The following MYT1L variants were observed in gnomAD, a reference collection of about 807,000 sequenced individuals.
MYT1L encodes myelin transcription factor 1 like.
Under a neutral mutation model 126.7 loss-of-function variants are expected in MYT1L, and 12 were observed. The observed-to-expected ratio is 0.09, with a 90% CI of 0.06 to 0.15. The LOEUF is 0.15. Ranked by LOEUF, MYT1L falls within the 10% of genes least tolerant of loss-of-function variation. The probability of loss-of-function intolerance (pLI) is 1.00; values close to 1 mark genes in which losing one functional copy is unlikely to be tolerated. For missense variants in MYT1L, 979 were observed against 1,585.2 expected (o/e 0.62, Z 6.49); for synonymous variants, 541 against 604.2 (o/e 0.90, Z 1.53).
chr2:2,130,488 C>G (rs906126718), intron 3 of MYT1L, among the ~76,000 whole-genome samples: 13 of 152,114 alleles, frequency 8.5e-5, no homozygotes, highest in Admixed American at 7.9e-4. Flanking sequence ...ACAAACACGT[C>G]TGCAGCAGTG....
chr2:2,162,833 C>T (rs752050782), intron 3 of MYT1L, among the ~76,000 whole-genome samples: 18 of 152,184 alleles, frequency 1.2e-4, no homozygotes, highest in Non-Finnish European at 2.2e-4. Flanking sequence ...CATTTACAGG[C>T]GTCGGAAATG....
chr2:1,990,039 T>A (rs1441482978), intron 5 of MYT1L, among the ~76,000 whole-genome samples: 1 of 152,236 alleles, frequency 6.6e-6, no homozygotes, highest in Admixed American at 6.5e-5. Flanking sequence ...AGACTAAGGA[T>A]AATTTTAATG....
chr2:2,275,478 C>G (rs2095343254), intron 2 of MYT1L, among the ~76,000 whole-genome samples: 1 of 151,992 alleles, frequency 6.6e-6, no homozygotes, highest in Admixed American at 6.6e-5. Flanking sequence ...CCAGTGCCCC[C>G]AGTTGGGCGA....
chr2:1,885,748 T>C (rs2048092979), intron 18 of MYT1L, among the ~76,000 whole-genome samples: 1 of 152,320 alleles, frequency 6.6e-6, no homozygotes, highest in East Asian at 1.9e-4. Flanking sequence ...CTCATCTCGC[T>C]GTGAGCATCT....
At chr2:2,203,299 G>A (rs1034777855) in intron 2 of MYT1L, among the ~76,000 whole-genome samples, 8 of 149,686 alleles carry the variant, frequency 5.3e-5, no homozygotes, top group African/African-American at 2.0e-4. Context: ...AAGAAATAAA[G>A]GGTATTCAAT....
chr2:2,226,097 T>C (rs185497019), intron 2 of MYT1L, among the ~76,000 whole-genome samples: 15 of 152,166 alleles, frequency 9.9e-5, no homozygotes, highest in Admixed American at 5.2e-4. Flanking sequence ...GATGCATCCA[T>C]GAGCCAGTAT....
chr2:2,159,133 C>A (rs1018702270), intron 3 of MYT1L, among the ~76,000 whole-genome samples: 2 of 152,088 alleles, frequency 1.3e-5, no homozygotes, highest in African/African-American at 4.8e-5. Context: ...GTGAAGAGCT[C>A]CTGAGACTCC....
intron 22 of MYT1L, among the ~76,000 whole-genome samples, chr2:1,805,819 G>A (rs1395661014): frequency 1.3e-5 from 2 of 152,206 alleles, no homozygotes; most frequent in Admixed American, 6.5e-5. Flanking sequence ...CTGGGAGGCG[G>A]AGGTTGCAGT....
rs888000448 is a variant in MYT1L, at chr2:1,801,476, A to G, written c.3276+220T>C. On this transcript the variant is annotated intron_variant, in intron 23 of 24. Transcript: ENST00000647738. The surrounding 1 kb of genome is among the most constrained non-coding windows in gnomAD (Gnocchi z 4.2). ...GCACTTTATTAAAAAACACAAACAC[A>G]CATGCAGACTGAAAACGAGAGAACC... 8.4e-6 allele frequency: 4 copies of G among 477,796 alleles called. No homozygotes were observed. Among genetic ancestry groups the G allele is most frequent in the Non-Finnish European group, 1.5e-5 (4 of 272,544 alleles). The allele number at this position is 477,796 out of a possible 1,614,324, so 29.6% of individuals were successfully genotyped here.
At chr2:2,132,395 G>A (rs2082489711) in intron 3 of MYT1L, among the ~76,000 whole-genome samples, 1 of 152,192 alleles carries the variant, frequency 6.6e-6, no homozygotes, top group Admixed American at 6.5e-5. Flanking sequence ...ATACTATGCA[G>A]CCATAAAAGA....
intron 2 of MYT1L, among the ~76,000 whole-genome samples, chr2:2,209,241 T>C (rs1345532949): frequency 6.6e-6 from 1 of 152,170 alleles, no homozygotes; most frequent in Admixed American, 6.5e-5. Context: ...ATCCTTTGTG[T>C]TACAAAAAAA....
At chr2:2,286,894 C>T (rs1469727154) in intron 1 of MYT1L, among the ~76,000 whole-genome samples, 1 of 152,158 alleles carries the variant, frequency 6.6e-6, no homozygotes, top group East Asian at 1.9e-4. Flanking sequence ...AGTGTCAAAG[C>T]GATGTCACTA....
At chr2:1,913,454 C>G (rs1319057736) in intron 11 of MYT1L, among the ~76,000 whole-genome samples, 1 of 152,134 alleles carries the variant, frequency 6.6e-6, no homozygotes, top group Non-Finnish European at 1.5e-5. Context: ...CTGCCCCCTT[C>G]CTCCCTGTCC....
At chr2:2,305,437 A>G (rs2095845203) in intron 1 of MYT1L, among the ~76,000 whole-genome samples, 1 of 152,256 alleles carries the variant, frequency 6.6e-6, no homozygotes, top group Admixed American at 6.5e-5. Context: ...CTTGTATTAA[A>G]TACTAAAGTA....
chr2:2,100,948 A>G (rs1486089831), intron 3 of MYT1L, among the ~76,000 whole-genome samples: 1 of 152,190 alleles, frequency 6.6e-6, no homozygotes, highest in Non-Finnish European at 1.5e-5. Flanking sequence ...TAATAAACAG[A>G]TGATAATAAA....
At chr2:2,285,945 A>T (rs1393359971) in intron 1 of MYT1L, among the ~76,000 whole-genome samples, 2 of 151,806 alleles carry the variant, frequency 1.3e-5, no homozygotes, top group East Asian at 3.9e-4. Context: ...GACCCTCCAA[A>T]CAATCCTCCA....
At chr2:2,114,933 G>A (rs1481847640) in intron 3 of MYT1L, among the ~76,000 whole-genome samples, 1 of 152,192 alleles carries the variant, frequency 6.6e-6, no homozygotes, top group Non-Finnish European at 1.5e-5. Context: ...TCAATCAGAA[G>A]ATCCACCCAC....
At chr2:2,121,970 G>C (rs570210102) in intron 3 of MYT1L, among the ~76,000 whole-genome samples, 1 of 152,314 alleles carries the variant, frequency 6.6e-6, no homozygotes, top group African/African-American at 2.4e-5. Context: ...CGATGGCAGG[G>C]AAGCACTGCT....
intron 8 of MYT1L, among the ~76,000 whole-genome samples, chr2:1,946,760 A>G (rs983592491): frequency 3.9e-5 from 6 of 152,150 alleles, no homozygotes; most frequent in African/African-American, 1.4e-4. Flanking sequence ...TTATATTTTC[A>G]TTTGTGAGGG....
Sources: gnomAD v4.1 joint callset for allele counts (sites outside exome capture counted in the v4.1 genomes callset) on GRCh38, gnomAD v4.1.1 for gene constraint, Gnocchi (gnomAD v3.1) non-coding constraint, MANE v1.5 for transcripts, NCBI Gene and HGNC (gene_info 2026-07-23, HGNC 2026-07-21) for gene names.